The following FGGY variants were observed in gnomAD, a reference collection of about 807,000 sequenced individuals.
The protein encoded by FGGY is FGGY carbohydrate kinase domain containing.
Under a neutral mutation model 71.3 loss-of-function variants are expected in FGGY, and 72 were observed. The ratio of observed to expected loss-of-function variants is 1.01; its 90% CI spans 0.84 to 1.23. FGGY has a LOEUF of 1.23. Among genes scored for constraint, FGGY ranks in the 50% most tolerant of loss-of-function variants. FGGY has a pLI of 0.00. For missense variants in FGGY, 668 were observed against 682.3 expected (o/e 0.98, Z 0.23); for synonymous variants, 251 against 250.3 (o/e 1.00, Z -0.02).
intron 6 of FGGY, 104 bp from the exon 7 acceptor site, chr1:59,512,207 C>G (rs1434105731): frequency 1.0e-5 from 13 of 1,256,846 alleles, no homozygotes; most frequent in Non-Finnish European, 1.4e-5. Context: ...TTTGCAAATG[C>G]AGAGGAGGGA....
intron 11 of FGGY, chr1:59,641,453 A>G: frequency 3.3e-6 from 3 of 918,444 alleles, no homozygotes; most frequent in Non-Finnish European, 5.1e-6. Context: ...ATACAAAGAA[A>G]ACAGAAAAGT....
chr1:59,725,784 G>C (rs1321133757), intron 14 of FGGY, among the ~76,000 whole-genome samples: 1 of 151,988 alleles, frequency 6.6e-6, no homozygotes, highest in Non-Finnish European at 1.5e-5. Flanking sequence ...TCCAGGATTT[G>C]GTGGTGTTCT....
intron 8 of FGGY, among the ~76,000 whole-genome samples, chr1:59,567,810 G>T (rs962610922): frequency 6.6e-6 from 1 of 151,052 alleles, no homozygotes; most frequent in Admixed American, 6.6e-5. Flanking sequence ...TATTAAATCT[G>T]ATGGTTTCAT....
chr1:59,675,581 GTTCAGT>G (rs2153981969), intron 14 of FGGY, among the ~76,000 whole-genome samples: 2 of 152,332 alleles, frequency 1.3e-5, no homozygotes, highest in South Asian at 4.1e-4. Context: ...AGGTGGTATA[GTTCAGT>G]TCTCGACTTT....
chr1:59,706,383 T>C (rs1010540891), intron 14 of FGGY, among the ~76,000 whole-genome samples: 1 of 152,222 alleles, frequency 6.6e-6, no homozygotes, highest in African/African-American at 2.4e-5. Context: ...AGTGCTAATG[T>C]TATCTACCTC....
At chr1:59,559,835 A>G (rs2095756843) in intron 8 of FGGY, among the ~76,000 whole-genome samples, 1 of 152,232 alleles carries the variant, frequency 6.6e-6, no homozygotes, top group African/African-American at 2.4e-5. Flanking sequence ...AAAGTATAAC[A>G]TAAATATCCA....
chr1:59,365,345 A>G (rs1484440698), intron 4 of FGGY, among the ~76,000 whole-genome samples: 1 of 152,036 alleles, frequency 6.6e-6, no homozygotes, highest in African/African-American at 2.4e-5. Flanking sequence ...GAGGTTGAGG[A>G]AGACTTCCTC....
intron 5 of FGGY, among the ~76,000 whole-genome samples, chr1:59,422,023 T>A (rs1020036851): frequency 6.6e-6 from 1 of 152,196 alleles, no homozygotes; most frequent in African/African-American, 2.4e-5. Flanking sequence ...TTGGTCTGAT[T>A]TAATCATTGC....
At chr1:59,568,459 G>T (rs1266184959) in intron 8 of FGGY, among the ~76,000 whole-genome samples, 3 of 139,264 alleles carry the variant, frequency 2.2e-5, no homozygotes, top group Admixed American at 7.0e-5. Context: ...CTATGGTCGG[G>T]GGGGCGGGGG....
chr1:59,647,611 T>C (rs2097107655), intron 11 of FGGY, among the ~76,000 whole-genome samples: 2 of 152,136 alleles, frequency 1.3e-5, no homozygotes. Context: ...CTCATTCAAG[T>C]GGTTGACCTA....
At chr1:59,405,354 A>G (rs182998554) in intron 5 of FGGY, among the ~76,000 whole-genome samples, 2 of 152,332 alleles carry the variant, frequency 1.3e-5, no homozygotes, top group Admixed American at 1.3e-4. Context: ...TCCTGGTTGC[A>G]GGTTTTTCAA....
chr1:59,651,327 G>T (rs1350382248), intron 11 of FGGY, among the ~76,000 whole-genome samples: 1 of 151,148 alleles, frequency 6.6e-6, no homozygotes, highest in Non-Finnish European at 1.5e-5. Context: ...CTGTCTCGTT[G>T]ATCTGTCTAA....
chr1:59,412,187 C>A (rs759304558), intron 5 of FGGY, among the ~76,000 whole-genome samples: 2 of 152,156 alleles, frequency 1.3e-5, no homozygotes, highest in Non-Finnish European at 2.9e-5. Context: ...AGTACCTCAC[C>A]TCATGCTGCA....
chr1:59,373,339 C>A (rs1170127361), intron 4 of FGGY, among the ~76,000 whole-genome samples: 2 of 152,122 alleles, frequency 1.3e-5, no homozygotes, highest in Non-Finnish European at 2.9e-5. Flanking sequence ...CCTAGGAATC[C>A]AGCTTACAAG....
chr1:59,545,957 A>T (rs1312602648), intron 7 of FGGY, among the ~76,000 whole-genome samples: 1 of 152,148 alleles, frequency 6.6e-6, no homozygotes, highest in East Asian at 1.9e-4. Flanking sequence ...TTGGGCCCGC[A>T]ATTATTTTGT....
At chr1:59,614,194 A>G (rs1385900023) in intron 9 of FGGY, among the ~76,000 whole-genome samples, 1 of 152,180 alleles carries the variant, frequency 6.6e-6, no homozygotes, top group Non-Finnish European at 1.5e-5. Context: ...AGACACAACT[A>G]AAAAAGAGAA....
At chr1:59,347,103 T>TTTTTA (rs386367073) in intron 4 of FGGY, among the ~76,000 whole-genome samples, 3 of 72 alleles carry the variant, frequency 0.042, no homozygotes, top group Non-Finnish European at 0.079. Flanking sequence ...TCGGTTATTC[T>TTTTTA]TTATTATTAT....
At chr1:59,303,597 T>C (rs1481773148) in intron 1 of FGGY, among the ~76,000 whole-genome samples, 1 of 152,182 alleles carries the variant, frequency 6.6e-6, no homozygotes, top group East Asian at 1.9e-4. Context: ...AGTGATTTCA[T>C]TTCTTTTGGA....
chr1:59,627,176 AAG>A (rs2096864978), intron 10 of FGGY, among the ~76,000 whole-genome samples: 1 of 152,008 alleles, frequency 6.6e-6, no homozygotes, highest in Admixed American at 6.6e-5. Context: ...AAGAAAGGAA[AAG>A]AAAAAAGAAA....
Sources: gnomAD v4.1 joint callset for allele counts (sites outside exome capture counted in the v4.1 genomes callset) on GRCh38, gnomAD v4.1.1 for gene constraint, MANE v1.5 for transcripts, NCBI Gene and HGNC (gene_info 2026-07-23, HGNC 2026-07-21) for gene names.